Variants in PDZRN3 observed in about 807,000 individuals in gnomAD.
PDZRN3 encodes the protein PDZ domain containing ring finger 3.
A neutral mutation model predicts 85.7 loss-of-function variants in PDZRN3; 38 were observed. The ratio of observed to expected loss-of-function variants is 0.44; its 90% confidence interval spans 0.34 to 0.58. The LOEUF is 0.58. PDZRN3 is among the 20% of genes least tolerant of loss of function. The probability of loss-of-function intolerance (pLI) is 0.01; values close to 1 mark genes in which losing one functional copy is unlikely to be tolerated. For synonymous variants in PDZRN3, 759 were observed against 638.0 expected, an observed-to-expected ratio of 1.19 and a Z score of -2.86; for missense variants, 1,629 against 1,506.4, an observed-to-expected ratio of 1.08 and a Z score of -1.35.
chr3:73,563,014 T>TATATATATATATATATATATA (rs1491432587), intron 3 of PDZRN3, among the ~76,000 whole-genome samples: 23 of 20,238 alleles, frequency 1.1e-3, no homozygotes, highest in South Asian at 6.7e-3. Context: ...TATATATATA[T>TATATATATATATATATATATA]TTTTTTTTTT....
Position 73,515,719 on chromosome 3 carries a change from T to C in PDZRN3, c.918+86635A>G, listed in dbSNP as rs75101386. Reference sequence around the variant, plus strand: ...CCAAAAGCATAGCTCTGGACAATTATATTGCAGAGAGGAAATCAAGACTTA... The same window carrying C: ...CCAAAAGCATAGCTCTGGACAATTACATTGCAGAGAGGAAATCAAGACTTA... On this transcript the variant is annotated intron_variant, in intron 3 of 9. Transcript: ENST00000263666. Among the ~76,000 whole-genome samples, 1,053 of 152,340 alleles carry C rather than the reference T, an allele frequency of 6.9e-3. 9 individuals carry two copies. Among genetic ancestry groups the C allele is most frequent in the African/African-American group, 0.024 (989 of 41,578 alleles).
In PDZRN3 at chr3:73,624,547, G is replaced by A. The variant is rs1702936813; in HGVS notation, c.279C>T (p.Val93=). The change falls in exon 1 of 10, where the codon GTC becomes GTT. Residue 93 remains valine (V), a synonymous_variant. Coordinates refer to ENST00000263666, the MANE Select transcript of PDZRN3 (RefSeq NM_015009.3). ...AYATRGCGRV[V]KLQQLPEHLE... is the part of the protein sequence containing the mutation. Reference sequence around the variant, plus strand: ...GGTGCTCCGGCAGCTGCTGCAGCTTGACCACCCGGCCGCAGCCGCGCGTCG... The same window carrying A: ...GGTGCTCCGGCAGCTGCTGCAGCTTAACCACCCGGCCGCAGCCGCGCGTCG... The A allele has an allele frequency of 1.3e-6, 2 of 1,512,054 alleles. No homozygotes were observed. The highest frequency in any genetic ancestry group is 5.7e-5 in the East Asian group (2 of 35,308). The allele number at this position is 1,512,054 out of a possible 1,614,324, so 93.7% of individuals were successfully genotyped here.
intron 3 of PDZRN3, among the ~76,000 whole-genome samples, chr3:73,474,900 T>C (rs1270013278): frequency 1.3e-5 from 2 of 152,116 alleles, no homozygotes; most frequent in Non-Finnish European, 2.9e-5. Context: ...TGGAAATTAA[T>C]GGAGGGTTGT....
chr3:73,416,190 C>T (rs147984538), intron 3 of PDZRN3, among the ~76,000 whole-genome samples: 297 of 152,034 alleles, frequency 2.0e-3, no homozygotes, highest in Middle Eastern at 3.4e-3. Context: ...GCCCTCCCAC[C>T]GTAAGCGCTC....
chr3:73,447,041 C>CTATA (rs148063336), intron 3 of PDZRN3, among the ~76,000 whole-genome samples: 103,777 of 140,700 alleles, frequency 0.74, 38,958 homozygotes, highest in East Asian at 0.87. Context: ...AACCTCTTGA[C>CTATA]TATATATATA....
chr3:73,388,272 G>T, intron 7 of PDZRN3: 1 of 427,728 alleles, frequency 2.3e-6, no homozygotes, highest in Non-Finnish European at 4.1e-6. Flanking sequence ...TGGTCTATAA[G>T]GGAGCCTCCA....
rs1437511269 is a variant in PDZRN3, at chr3:73,384,608, T to G, written c.1958A>C (p.Lys653Thr). 6.2e-7 allele frequency: 1 copy of G among 1,613,836 alleles called. No homozygotes were observed. Among genetic ancestry groups the G allele is most frequent in the South Asian group, 1.1e-5 (1 of 91,086 alleles). Reference protein sequence around the residue: ...CERFRELLELKCQVKSATPYG... With the variant: ...CERFRELLELTCQVKSATPYG... The stretch of plus-strand genomic sequence containing the variant: ...AGGGGTGGCGCTCTTCACCTGGCAC[T>G]TGAGCTCCAGGAGCTCGCGGAAGCG... The change falls in exon 10 of 10, where the codon AAG (lysine) becomes ACG (threonine). Residue 653 changes from lysine (K) to threonine (T), a missense_variant. Physicochemically the swap from Lys to Thr is moderately conservative, Grantham distance 78. Transcript: ENST00000263666.
chr3:73,392,096 C>G (rs899287177), intron 5 of PDZRN3, among the ~76,000 whole-genome samples: 5 of 152,194 alleles, frequency 3.3e-5, no homozygotes, highest in Non-Finnish European at 7.3e-5. Flanking sequence ...AAGCTCAAAG[C>G]AGTTATTTGG....
intron 3 of PDZRN3, among the ~76,000 whole-genome samples, chr3:73,537,873 G>A (rs1575719885): frequency 1.3e-5 from 2 of 150,770 alleles, no homozygotes; most frequent in East Asian, 2.0e-4. Flanking sequence ...TGATCCGCCC[G>A]CCTCGGCTTT....
At chr3:73,427,739 T>C (rs1702346641) in intron 3 of PDZRN3, among the ~76,000 whole-genome samples, 1 of 152,142 alleles carries the variant, frequency 6.6e-6, no homozygotes, top group African/African-American at 2.4e-5. Context: ...CATTTCTCAC[T>C]CAGAAGTTAA....
chr3:73,475,337 T>C (rs181114729), intron 3 of PDZRN3, among the ~76,000 whole-genome samples: 1 of 152,342 alleles, frequency 6.6e-6, no homozygotes, highest in East Asian at 1.9e-4. Context: ...AAAGGCGATT[T>C]GTTCATCTGT....
At chr3:73,550,250 C>A (rs1165076414) in intron 3 of PDZRN3, among the ~76,000 whole-genome samples, 1 of 152,174 alleles carries the variant, frequency 6.6e-6, no homozygotes, top group Non-Finnish European at 1.5e-5. Flanking sequence ...CACCCCTCAA[C>A]CCCCCAGACC....
rs1324810062 is a variant in PDZRN3 at position 73,624,086 on chromosome 3, G to C, written c.723+17C>G. 13 of 1,429,286 alleles carry C rather than the reference G, an allele frequency of 9.1e-6. No homozygotes were observed. The highest frequency in any genetic ancestry group is 9.0e-5 in the East Asian group (3 of 33,296). The allele number at this position is 1,429,286 out of a possible 1,614,324, so 88.5% of individuals were successfully genotyped here. A position where few individuals can be genotyped will look rare whatever the true frequency, so the allele number is the denominator to read the frequency against. On this transcript the variant is annotated intron_variant, in intron 1 of 9. Coordinates refer to ENST00000263666, the MANE Select transcript of PDZRN3 (RefSeq NM_015009.3). ...AGGGATCCTGGCTGGAGGTCGGGGC[G>C]GGCAGCAGGCGCCTACCTTGCCGCC...
At chr3:73,565,786 A>AACACAAACACAC (rs1196865835) in intron 3 of PDZRN3, among the ~76,000 whole-genome samples, 22 of 37,912 alleles carry the variant, frequency 5.8e-4, no homozygotes, top group African/African-American at 1.0e-3. Context: ...AAAAATACAA[A>AACACAAACACAC]ACACACACAC....
At chr3:73,488,784 T>C (rs1177946237) in intron 3 of PDZRN3, among the ~76,000 whole-genome samples, 1 of 152,238 alleles carries the variant, frequency 6.6e-6, no homozygotes, top group Non-Finnish European at 1.5e-5. Flanking sequence ...AATTTTATCT[T>C]AAAATTTGTG....
At chr3:73,442,715 T>A (rs1702665919) in intron 3 of PDZRN3, among the ~76,000 whole-genome samples, 1 of 147,852 alleles carries the variant, frequency 6.8e-6, no homozygotes, top group South Asian at 2.2e-4. Context: ...TTTTTTTACA[T>A]CTTTTGAAAA....
At chr3:73,535,625 C>T (rs1038495825) in intron 3 of PDZRN3, among the ~76,000 whole-genome samples, 11 of 152,304 alleles carry the variant, frequency 7.2e-5, no homozygotes, top group East Asian at 1.9e-4. Flanking sequence ...GTGAAAGTTT[C>T]GCCTGACAGT....
intron 3 of PDZRN3, among the ~76,000 whole-genome samples, chr3:73,524,410 C>T (rs1704470945): frequency 6.6e-6 from 1 of 152,184 alleles, no homozygotes; most frequent in East Asian, 1.9e-4. Flanking sequence ...TTCAAGTTCC[C>T]TCTGAGTAAC....
Position 73,384,209 on chromosome 3 carries a change from A to G in PDZRN3, c.2357T>C (p.Ile786Thr), listed in dbSNP as rs776062373. ...DNSLRRAAEG[I>T]SCPSSEGAVG... ...AGCCCCTTCGCTGCTCGGGCAGCTG[A>G]TGCCCTCCGCCGCTCTCCTCAAGGA... The change falls in exon 10 of 10, where the codon ATC becomes ACC. Residue 786 changes from isoleucine (I) to threonine (T), a missense_variant. Physicochemically the swap from Ile to Thr is moderately conservative, Grantham distance 89. Coordinates refer to ENST00000263666, the MANE Select transcript of PDZRN3 (RefSeq NM_015009.3). 49 of 1,613,764 alleles carry G rather than the reference A, an allele frequency of 3.0e-5. No homozygotes were observed. Among genetic ancestry groups the G allele is most frequent in the Non-Finnish European group, 3.9e-5 (46 of 1,180,034 alleles).
Sources: allele counts gnomAD v4.1 joint callset (sites outside exome capture counted in the v4.1 genomes callset), GRCh38; gene constraint gnomAD v4.1.1; transcripts MANE v1.5; gene names NCBI Gene and HGNC (gene_info 2026-07-23, HGNC 2026-07-21).